The following HS6ST3 variants were observed in gnomAD, a reference collection of about 807,000 sequenced individuals.
The protein encoded by HS6ST3 is heparan sulfate 6-O-sulfotransferase 3.
HS6ST3 carries 12 observed loss-of-function variants against 36.7 expected under a neutral mutation model. That is an observed-to-expected ratio of 0.33 (90% CI 0.21 to 0.53). HS6ST3 has a LOEUF of 0.53. HS6ST3 is among the 20% of genes least tolerant of loss of function. HS6ST3 has a pLI of 0.95. For missense variants in HS6ST3, 584 were observed against 640.9 expected (o/e 0.91, Z 0.96); for synonymous variants, 240 against 257.5 (o/e 0.93, Z 0.65).
chr13:96,209,119 T>C (rs1414605659), intron 1 of HS6ST3, among the ~76,000 whole-genome samples: 1 of 152,168 alleles, frequency 6.6e-6, no homozygotes, highest in African/African-American at 2.4e-5. Context: ...ATTTGACTAG[T>C]AGGAGATACA....
At chr13:96,447,132 C>T (rs1407545514) in intron 1 of HS6ST3, among the ~76,000 whole-genome samples, 1 of 152,128 alleles carries the variant, frequency 6.6e-6, no homozygotes, top group Non-Finnish European at 1.5e-5. Context: ...AGCAAAGCAC[C>T]AACTTCTATC....
At chr13:96,790,948 T>C (rs1052949323) in intron 1 of HS6ST3, among the ~76,000 whole-genome samples, 1 of 152,094 alleles carries the variant, frequency 6.6e-6, no homozygotes, top group African/African-American at 2.4e-5. Context: ...AATTCTTTAG[T>C]GTTACAAGAG....
chr13:96,698,012 AAT>A (rs1290349077), intron 1 of HS6ST3, among the ~76,000 whole-genome samples: 1 of 152,108 alleles, frequency 6.6e-6, no homozygotes, highest in Non-Finnish European at 1.5e-5. Context: ...AGAAGGATGT[AAT>A]ATGTTTTTAT....
At chr13:96,109,602 G>A (rs1396998869) in intron 1 of HS6ST3, among the ~76,000 whole-genome samples, 1 of 152,152 alleles carries the variant, frequency 6.6e-6, no homozygotes, top group Non-Finnish European at 1.5e-5. Flanking sequence ...TGTTTGTTCT[G>A]TTCTGGAGAA....
chr13:96,738,788 G>C (rs1468635440), intron 1 of HS6ST3, among the ~76,000 whole-genome samples: 1 of 152,072 alleles, frequency 6.6e-6, no homozygotes, highest in Non-Finnish European at 1.5e-5. Context: ...CTTCAAACTA[G>C]CTTTTTATTT....
intron 1 of HS6ST3, among the ~76,000 whole-genome samples, chr13:96,704,743 G>A (rs2138455601): frequency 6.6e-6 from 1 of 152,210 alleles, no homozygotes; most frequent in Non-Finnish European, 1.5e-5. Flanking sequence ...GACTGACTCA[G>A]AGGACTGCAA....
At chr13:96,215,265 T>C (rs1284578709) in intron 1 of HS6ST3, among the ~76,000 whole-genome samples, 8 of 152,374 alleles carry the variant, frequency 5.3e-5, no homozygotes, top group East Asian at 1.9e-4. Flanking sequence ...CGATGTGTCA[T>C]GTGCCTGTGT....
intron 1 of HS6ST3, among the ~76,000 whole-genome samples, chr13:96,725,967 A>G (rs1283238367): frequency 6.6e-6 from 1 of 151,988 alleles, no homozygotes; most frequent in African/African-American, 2.4e-5. Context: ...CCTCCTGAGT[A>G]GCTGCGATTA....
intron 1 of HS6ST3, among the ~76,000 whole-genome samples, chr13:96,504,877 A>G (rs2056020109): frequency 1.3e-5 from 2 of 152,198 alleles, no homozygotes; most frequent in African/African-American, 4.8e-5. Context: ...CAATACTACA[A>G]TTTCAAGATG....
chr13:96,484,906 C>A (rs924805296), intron 1 of HS6ST3, among the ~76,000 whole-genome samples: 1 of 152,114 alleles, frequency 6.6e-6, no homozygotes, highest in African/African-American at 2.4e-5. Context: ...TTTTGAGGCA[C>A]CTCCATACTG....
intron 1 of HS6ST3, among the ~76,000 whole-genome samples, chr13:96,115,551 A>G (rs1438740783): frequency 6.6e-6 from 1 of 152,126 alleles, no homozygotes; most frequent in African/African-American, 2.4e-5. Context: ...TTCCAGCTTC[A>G]TCTGTGTCCC....
intron 1 of HS6ST3, among the ~76,000 whole-genome samples, chr13:96,355,126 A>G (rs1434608738): frequency 6.6e-6 from 1 of 152,178 alleles, no homozygotes; most frequent in Admixed American, 6.5e-5. Flanking sequence ...ATTAAAGCAA[A>G]TTAAATAAAA....
intron 1 of HS6ST3, among the ~76,000 whole-genome samples, chr13:96,464,680 C>T (rs1264763894): frequency 6.6e-6 from 1 of 152,046 alleles, no homozygotes; most frequent in Non-Finnish European, 1.5e-5. Flanking sequence ...GAAGTATTCT[C>T]AGTAGAATTT....
At chr13:96,301,649 T>C (rs2054882495) in intron 1 of HS6ST3, among the ~76,000 whole-genome samples, 1 of 152,086 alleles carries the variant, frequency 6.6e-6, no homozygotes, top group African/African-American at 2.4e-5. Context: ...CCCAACACTT[T>C]GGGAGGCTAA....
At chr13:96,647,809 T>C (rs2056594107) in intron 1 of HS6ST3, among the ~76,000 whole-genome samples, 1 of 151,916 alleles carries the variant, frequency 6.6e-6, no homozygotes. Flanking sequence ...AAAAAGGAAA[T>C]AAGAGATACT....
intron 1 of HS6ST3, among the ~76,000 whole-genome samples, chr13:96,817,307 T>TA (rs1487680807): frequency 5.3e-5 from 8 of 152,218 alleles, no homozygotes; most frequent in Non-Finnish European, 1.0e-4. Context: ...TGGGATTTTT[T>TA]ATGCTAGAGT....
intron 1 of HS6ST3, among the ~76,000 whole-genome samples, chr13:96,195,362 G>A (rs1285184409): frequency 1.3e-5 from 2 of 152,066 alleles, no homozygotes; most frequent in Non-Finnish European, 2.9e-5. Flanking sequence ...GTATAGCTTC[G>A]ACGGTTTTTA....
intron 1 of HS6ST3, among the ~76,000 whole-genome samples, chr13:96,097,749 G>T (rs896699211): frequency 6.6e-6 from 1 of 152,128 alleles, no homozygotes; most frequent in Admixed American, 6.6e-5. Flanking sequence ...TTTTAACTTG[G>T]ACAGTGTTAT....
chr13:96,626,537 T>C (rs1291762410), intron 1 of HS6ST3, among the ~76,000 whole-genome samples: 2 of 152,200 alleles, frequency 1.3e-5, no homozygotes, highest in Admixed American at 6.5e-5. Context: ...AATGTTGATA[T>C]ATGGTGGGAC....
Sources: gnomAD v4.1 joint callset for allele counts (sites outside exome capture counted in the v4.1 genomes callset) on GRCh38, gnomAD v4.1.1 for gene constraint, MANE v1.5 for transcripts, NCBI Gene and HGNC (gene_info 2026-07-23, HGNC 2026-07-21) for gene names.